The following DMD variants were observed in gnomAD, a reference collection of about 807,000 sequenced individuals.
The protein encoded by DMD is dystrophin.
DMD carries 63 observed loss-of-function variants against 330.1 expected under a neutral mutation model. The observed-to-expected ratio is 0.19, with a 90% CI of 0.16 to 0.24. DMD has a LOEUF of 0.24. DMD is among the 10% of genes least tolerant of loss of function. The pLI is 1.00. For synonymous variants in DMD, 1,223 were observed against 959.8 expected, an observed-to-expected ratio of 1.27 and a Z score of -5.07; for missense variants, 3,344 against 2,684.1, an observed-to-expected ratio of 1.25 and a Z score of -5.43.
chrX:32,686,652 T>C (rs1302928499), intron 9 of DMD, among the ~76,000 whole-genome samples: 4 of 109,979 alleles, frequency 3.6e-5, no homozygotes, highest in Middle Eastern at 9.5e-3. Context: ...GTATCTTAAT[T>C]ATGATGTTAC....
chrX:32,421,695 T>C (rs3788905), intron 29 of DMD, among the ~76,000 whole-genome samples: 32,620 of 111,037 alleles, frequency 0.29, 5,744 homozygotes, highest in African/African-American at 0.67. Flanking sequence ...CACCCCACAA[T>C]GGCATCTTCT....
intron 47 of DMD, among the ~76,000 whole-genome samples, chrX:31,896,769 T>A (rs1252949336): frequency 9.0e-6 from 1 of 111,519 alleles, no homozygotes; most frequent in African/African-American, 3.3e-5. Context: ...CTAACAGATG[T>A]AAAAACAAAA....
chrX:32,710,907 A>C (rs1218182060), intron 7 of DMD, among the ~76,000 whole-genome samples: 4 of 111,375 alleles, frequency 3.6e-5, no homozygotes, highest in Non-Finnish European at 7.5e-5. Flanking sequence ...GCTCAGATAT[A>C]TGAGAAAGGG....
At chrX:31,653,601 T>C (rs2080594413) in intron 54 of DMD, among the ~76,000 whole-genome samples, 1 of 110,610 alleles carries the variant, frequency 9.0e-6, no homozygotes, top group Non-Finnish European at 1.9e-5. Context: ...GTTTAAAGAG[T>C]GATCCTGGAA....
At chrX:32,041,822 G>C (rs1363336524) in intron 44 of DMD, among the ~76,000 whole-genome samples, 1 of 108,269 alleles carries the variant, frequency 9.2e-6, no homozygotes. Flanking sequence ...GGCATAATTA[G>C]ATTTAAAATT....
chrX:33,137,272 G>A (rs2095533112), intron 1 of DMD, among the ~76,000 whole-genome samples: 1 of 111,405 alleles, frequency 9.0e-6, no homozygotes, highest in Admixed American at 9.6e-5. Context: ...TTGGCATGAG[G>A]ACTATTAGTC....
chrX:33,068,752 A>G (rs1333751909), intron 1 of DMD, among the ~76,000 whole-genome samples: 2 of 112,534 alleles, frequency 1.8e-5, no homozygotes, highest in Non-Finnish European at 3.8e-5. Flanking sequence ...GCCAAAGAGG[A>G]AAGGTATAGG....
intron 20 of DMD, among the ~76,000 whole-genome samples, chrX:32,490,321 T>C (rs983496622): frequency 1.8e-5 from 2 of 112,023 alleles, no homozygotes; most frequent in Non-Finnish European, 3.8e-5. Flanking sequence ...ATAGTAACAA[T>C]GAAAACAGTT....
rs140038934 is a variant in DMD, at chrX:31,309,484, C to T, written c.9224+14114G>A. Among the ~76,000 whole-genome samples the T allele has an allele frequency of 2.5e-3, 285 of 111,929 alleles. 1 individual carries two copies. Among genetic ancestry groups the T allele is most frequent in the African/African-American group, 8.9e-3 (275 of 30,858 alleles). ...AAGATGTTAAGGAAAAATATGTAGG[C>T]CCGCTCATCCTCCTTTTTTTCCCCT... On this transcript the variant is annotated intron_variant, in intron 62 of 78. Transcript: ENST00000357033.
intron 1 of DMD, among the ~76,000 whole-genome samples, chrX:33,279,155 A>G (rs1470458026): frequency 8.9e-6 from 1 of 112,187 alleles, no homozygotes; most frequent in Non-Finnish European, 1.9e-5. Context: ...TGCAAGATAA[A>G]CCACATGCTC....
At chrX:31,750,516 G>A (rs1028627924) in intron 51 of DMD, among the ~76,000 whole-genome samples, 1 of 110,832 alleles carries the variant, frequency 9.0e-6, no homozygotes, top group Non-Finnish European at 1.9e-5. Flanking sequence ...GTCTGTTTTG[G>A]TACCAGTACC....
intron 61 of DMD, 53 bp downstream of exon 61, chrX:31,348,497 GTTATTC>G (rs1414378602): frequency 3.9e-6 from 4 of 1,014,473 alleles, no homozygotes; most frequent in African/African-American, 3.8e-5. Context: ...TTTTTCAACT[GTTATTC>G]TTATTAATCA....
intron 13 of DMD, 89 bp from the exon 14 acceptor site, chrX:32,573,935 TCA>T (rs1409774224): frequency 1.4e-6 from 1 of 720,446 alleles, no homozygotes; most frequent in African/African-American, 2.1e-5. Flanking sequence ...CCAAAGTATC[TCA>T]GTCTCCTATG....
chrX:32,154,077 AAG>A (rs1432877008), intron 44 of DMD, among the ~76,000 whole-genome samples: 1 of 112,336 alleles, frequency 8.9e-6, no homozygotes, highest in Non-Finnish European at 1.9e-5. Flanking sequence ...CAAGAGAAAA[AAG>A]AGGTTATTAA....
In DMD at chrX:31,833,575, G is replaced by C. The variant is rs186607539; in HGVS notation, c.7200+3143C>G. Among the ~76,000 whole-genome samples the C allele has an allele frequency of 4.1e-3, 460 of 111,357 alleles. 1 individual carries two copies. Among genetic ancestry groups the C allele is most frequent in the Non-Finnish European group, 5.9e-3 (311 of 53,070 alleles). On this transcript the variant is annotated intron_variant, in intron 49 of 78. Transcript: ENST00000357033. The stretch of plus-strand genomic sequence containing the variant: ...AGAAAATAAAGAAGTTGGTTAGTCA[G>C]AGATTTTAAAAAAGAAACCAGAAAT...
At chrX:32,758,591 A>C (rs1446284768) in intron 7 of DMD, among the ~76,000 whole-genome samples, 1 of 111,558 alleles carries the variant, frequency 9.0e-6, no homozygotes, top group Non-Finnish European at 1.9e-5. Context: ...TCCTGTAATT[A>C]TGTAACAAGC....
At chrX:31,585,323 CAAAAAAAA>C (rs1213158531) in intron 55 of DMD, among the ~76,000 whole-genome samples, 25 of 36,107 alleles carry the variant, frequency 6.9e-4, no homozygotes, top group Non-Finnish European at 9.1e-4. Context: ...GACCCTGTCT[CAAAAAAAA>C]AAAAAAAAAA....
At chrX:32,731,142 G>A (rs1396569206) in intron 7 of DMD, among the ~76,000 whole-genome samples, 1 of 112,129 alleles carries the variant, frequency 8.9e-6, no homozygotes, top group East Asian at 2.8e-4. Context: ...GTCAAAGAAA[G>A]GGGTGACGGA....
chrX:33,058,327 C>T (rs56154323), intron 1 of DMD, among the ~76,000 whole-genome samples: 31,914 of 110,238 alleles, frequency 0.29, 3,689 homozygotes, highest in East Asian at 0.69. Flanking sequence ...GACTCTGTCC[C>T]AGGCAGGAGT....
Sources: gnomAD v4.1 joint callset for allele counts (sites outside exome capture counted in the v4.1 genomes callset) on GRCh38, gnomAD v4.1.1 for gene constraint, MANE v1.5 for transcripts, NCBI Gene and HGNC (gene_info 2026-07-23, HGNC 2026-07-21) for gene names.